UVRAG: variants seen among roughly 807,000 people sequenced by gnomAD.
UVRAG encodes UV radiation resistance-associated gene protein.
UVRAG carries 19 observed loss-of-function variants against 78.0 expected under a neutral mutation model. The observed-to-expected ratio is 0.24, with a 90% confidence interval of 0.17 to 0.36. The LOEUF is 0.36. UVRAG is among the 10% of genes least tolerant of loss of function. The pLI, the probability that UVRAG is intolerant of heterozygous loss-of-function variation, is 1.00. For synonymous variants in UVRAG, 323 were observed against 324.6 expected, an observed-to-expected ratio of 1.00 and a Z score of 0.05; for missense variants, 740 against 853.8, an observed-to-expected ratio of 0.87 and a Z score of 1.66.
Position 75,933,371 on chromosome 11 carries a change from G to A in UVRAG, c.593+21332G>A, listed in dbSNP as rs1948285267. 3.3e-5 allele frequency among the ~76,000 whole-genome samples: 5 copies of A among 152,158 alleles called. No homozygotes were observed. In the South Asian group the frequency reaches 1.0e-3, roughly 31 times the overall value. ...AAAAATTAAATCAAAGTGGGTTAAA[G>A]ACATGAATCTAAGACCTAAAACTAT... On this transcript the variant is annotated intron_variant, in intron 6 of 14. Coordinates refer to ENST00000356136, the MANE Select transcript of UVRAG (RefSeq NM_003369.4).
intron 7 of UVRAG, among the ~76,000 whole-genome samples, chr11:75,968,418 T>C (rs1949065875): frequency 6.6e-6 from 1 of 152,186 alleles, no homozygotes; most frequent in Non-Finnish European, 1.5e-5. Context: ...GAGCAGTTCA[T>C]CTTTGATGCA....
chr11:75,905,855 CTA>C (rs1053710588), intron 5 of UVRAG, among the ~76,000 whole-genome samples: 5 of 151,190 alleles, frequency 3.3e-5, no homozygotes, highest in African/African-American at 1.2e-4. Context: ...TATTATAATT[CTA>C]TGATTACCTT....
intron 12 of UVRAG, among the ~76,000 whole-genome samples, chr11:76,018,372 T>C (rs1164590202): frequency 1.3e-5 from 2 of 152,114 alleles, no homozygotes; most frequent in Non-Finnish European, 2.9e-5. Context: ...TGATTGCTAA[T>C]GTAATCCAAT....
intron 13 of UVRAG, among the ~76,000 whole-genome samples, chr11:76,083,953 CTT>C (rs767818368): frequency 9.2e-5 from 14 of 152,194 alleles, no homozygotes; most frequent in Admixed American, 3.3e-4. Flanking sequence ...ATCAAAATAA[CTT>C]AGCTTTAGCA....
At chr11:76,090,687 C>G (rs776585802) in intron 13 of UVRAG, among the ~76,000 whole-genome samples, 1 of 151,940 alleles carries the variant, frequency 6.6e-6, no homozygotes, top group Non-Finnish European at 1.5e-5. Flanking sequence ...TTTTTATTTC[C>G]TTTGGAGCTT....
chr11:75,869,082 G>T (rs969939245), intron 3 of UVRAG, among the ~76,000 whole-genome samples: 1 of 152,168 alleles, frequency 6.6e-6, no homozygotes, highest in African/African-American at 2.4e-5. Context: ...GAGGAACCAG[G>T]TTCAGCAGGC....
At chr11:75,855,437 C>T (rs1946265978) in intron 2 of UVRAG, among the ~76,000 whole-genome samples, 1 of 152,232 alleles carries the variant, frequency 6.6e-6, no homozygotes, top group African/African-American at 2.4e-5. Context: ...GAGCATTCCT[C>T]CCATTCCAAA....
At chr11:76,014,206 A>T (rs1276677515) in intron 11 of UVRAG, among the ~76,000 whole-genome samples, 1 of 152,370 alleles carries the variant, frequency 6.6e-6, no homozygotes, top group East Asian at 1.9e-4. Context: ...ATATACAAAT[A>T]TAATTCTTTA....
rs934059327 is a variant in UVRAG at position 75,907,400 on chromosome 11, A to AT, written c.508-4540dup. 2.3e-3 allele frequency among the ~76,000 whole-genome samples: 312 copies of AT among 138,146 alleles called. 1 individual carries two copies. Among genetic ancestry groups the AT allele is most frequent in the African/African-American group, 5.5e-3 (202 of 36,594 alleles). The allele number at this position is 138,146 out of a possible 152,430, so 90.6% of individuals were successfully genotyped here. ...AATTCCTTTCTATTCCTAGTTTGTG[A>AT]TTTTTTTTTTTTTTAAATCATGGAA... On this transcript the variant is annotated intron_variant, in intron 5 of 14. Coordinates refer to ENST00000356136, the MANE Select transcript of UVRAG (RefSeq NM_003369.4).
chr11:75,974,309 G>A (rs1949185980), intron 7 of UVRAG, among the ~76,000 whole-genome samples: 1 of 147,780 alleles, frequency 6.8e-6, no homozygotes, highest in Admixed American at 6.7e-5. Flanking sequence ...GGCCAGTGAT[G>A]ATGAGCATTT....
chr11:76,074,479 A>T (rs1445587027), intron 13 of UVRAG, among the ~76,000 whole-genome samples: 1 of 152,216 alleles, frequency 6.6e-6, no homozygotes. Context: ...TCAATATTTA[A>T]GAGTATTACT....
At chr11:75,956,439 G>A (rs1056257972) in intron 6 of UVRAG, among the ~76,000 whole-genome samples, 3 of 148,334 alleles carry the variant, frequency 2.0e-5, no homozygotes, top group African/African-American at 2.5e-5. Flanking sequence ...AGGCTGGAGT[G>A]CAATGGCACG....
chr11:76,068,017 T>C (rs1951225870), intron 13 of UVRAG, among the ~76,000 whole-genome samples: 1 of 152,192 alleles, frequency 6.6e-6, no homozygotes, highest in Admixed American at 6.5e-5. Context: ...TGAAACTTAC[T>C]CCTGCTGAAA....
intron 7 of UVRAG, among the ~76,000 whole-genome samples, chr11:75,964,287 T>C (rs1948968347): frequency 2.0e-5 from 3 of 152,210 alleles, no homozygotes; most frequent in Admixed American, 6.5e-5. Flanking sequence ...TTTTCTCCCT[T>C]TTTGTTTTCA....
chr11:75,984,039 A>G (rs757528002), intron 8 of UVRAG, among the ~76,000 whole-genome samples: 2 of 152,224 alleles, frequency 1.3e-5, no homozygotes, highest in South Asian at 4.1e-4. Context: ...CGGACTTACA[A>G]TGGTTTGATT....
At chr11:75,911,717 G>A (rs558124248) in intron 5 of UVRAG, 9 of 357,532 alleles carry the variant, frequency 2.5e-5, no homozygotes, top group African/African-American at 1.7e-4. Context: ...GGCTGGGCTG[G>A]GCGCGCTCCT....
At chr11:76,091,990 C>G (rs1032401227) in intron 13 of UVRAG, among the ~76,000 whole-genome samples, 1 of 151,954 alleles carries the variant, frequency 6.6e-6, no homozygotes, top group Admixed American at 6.6e-5. Context: ...CCCCTTCCCC[C>G]GACCCCACAA....
intron 12 of UVRAG, among the ~76,000 whole-genome samples, chr11:76,055,621 A>G (rs75806559): frequency 3.3e-5 from 5 of 152,226 alleles, no homozygotes; most frequent in Non-Finnish European, 5.9e-5. Flanking sequence ...CTTCCCCTCA[A>G]TGCTTCATCA....
intron 2 of UVRAG, among the ~76,000 whole-genome samples, chr11:75,856,071 G>A (rs530938729): frequency 7.2e-4 from 109 of 152,122 alleles, no homozygotes; most frequent in African/African-American, 2.5e-3. Context: ...CTCACTGCAA[G>A]CTCCGCCTCC....
Sources: allele counts gnomAD v4.1 joint callset (sites outside exome capture counted in the v4.1 genomes callset), GRCh38; gene constraint gnomAD v4.1.1; transcripts MANE v1.5; gene names NCBI Gene and HGNC (gene_info 2026-07-23, HGNC 2026-07-21).